The following UBE3D variants were observed in gnomAD, a reference collection of about 807,000 sequenced individuals.
The protein encoded by UBE3D is ubiquitin protein ligase E3D.
In UBE3D, 48 loss-of-function variants were observed where a neutral mutation model predicts 49.6. That is an observed-to-expected ratio of 0.97 (90% confidence interval 0.77 to 1.23). UBE3D has a LOEUF of 1.23. UBE3D is among the 50% of genes most tolerant of loss of function. UBE3D has a pLI of 0.00. For synonymous variants in UBE3D, 189 were observed against 174.2 expected, an observed-to-expected ratio of 1.08 and a Z score of -0.67; for missense variants, 452 against 468.4, an observed-to-expected ratio of 0.96 and a Z score of 0.32.
chr6:82,884,311 G>A, the UBE3D span, among the ~76,000 whole-genome samples: 2 of 152,074 alleles, frequency 1.3e-5, no homozygotes, highest in Non-Finnish European at 2.9e-5. Context: ...AGGTAGTAGA[G>A]GCACCTACAC....
At chr6:82,910,962 G>A (rs575385414) in intron 9 of UBE3D, among the ~76,000 whole-genome samples, 1 of 152,044 alleles carries the variant, frequency 6.6e-6, no homozygotes, top group Middle Eastern at 3.4e-3. Flanking sequence ...TAACTCAAAA[G>A]ATCTAATCCC....
chr6:82,986,095 T>G (rs2127725282), intron 8 of UBE3D, among the ~76,000 whole-genome samples: 1 of 152,300 alleles, frequency 6.6e-6, no homozygotes, highest in South Asian at 2.1e-4. Context: ...ATTGAGTTTG[T>G]GTATTAACTT....
At chr6:82,898,406 T>C (rs1038934673) in intron 9 of UBE3D, among the ~76,000 whole-genome samples, 3 of 152,180 alleles carry the variant, frequency 2.0e-5, no homozygotes, top group Non-Finnish European at 4.4e-5. Context: ...CTGTTCACAA[T>C]AGCAAAGACT....
At chr6:83,005,407 T>C (rs113488219) in intron 8 of UBE3D, among the ~76,000 whole-genome samples, 4 of 152,024 alleles carry the variant, frequency 2.6e-5, no homozygotes, top group African/African-American at 9.7e-5. Context: ...GCAACTGCTA[T>C]AAAAGACGGT....
chr6:82,942,447 C>T (rs1247019649), intron 9 of UBE3D, among the ~76,000 whole-genome samples: 1 of 152,168 alleles, frequency 6.6e-6, no homozygotes, highest in African/African-American at 2.4e-5. Context: ...TGTTAATCAC[C>T]AAGACAATGG....
chr6:82,908,227 T>A (rs943771163), intron 9 of UBE3D, among the ~76,000 whole-genome samples: 1 of 152,094 alleles, frequency 6.6e-6, no homozygotes, highest in Non-Finnish European at 1.5e-5. Context: ...TTATGGGAAA[T>A]GGATATGATC....
At chr6:82,908,475 TCAC>T (rs1404315273) in intron 9 of UBE3D, among the ~76,000 whole-genome samples, 1 of 152,156 alleles carries the variant, frequency 6.6e-6, no homozygotes, top group Non-Finnish European at 1.5e-5. Context: ...TGGCTGGACT[TCAC>T]CACTATACAA....
At chr6:82,953,930 T>G (rs559286369) in intron 9 of UBE3D, among the ~76,000 whole-genome samples, 1 of 152,248 alleles carries the variant, frequency 6.6e-6, no homozygotes, top group Admixed American at 6.5e-5. Flanking sequence ...CAGGTGGCCA[T>G]GCAAAGACCT....
chr6:82,923,309 C>T (rs1773493755), intron 9 of UBE3D, among the ~76,000 whole-genome samples: 2 of 152,174 alleles, frequency 1.3e-5, no homozygotes, highest in Admixed American at 1.3e-4. Context: ...GGAACCAACC[C>T]AACTGTCCAT....
intron 8 of UBE3D, among the ~76,000 whole-genome samples, chr6:83,014,689 C>A (rs1237778065): frequency 6.6e-6 from 1 of 152,204 alleles, no homozygotes; most frequent in East Asian, 1.9e-4. Flanking sequence ...AACAGTTAGC[C>A]TGGTAAAAGG....
At chr6:83,019,403 G>T (rs1780929887) in intron 7 of UBE3D, among the ~76,000 whole-genome samples, 1 of 150,558 alleles carries the variant, frequency 6.6e-6, no homozygotes, top group African/African-American at 2.4e-5. Context: ...CAGAGCTTCA[G>T]TAAGGGGGTA....
At chr6:83,005,416 G>GT (rs1451168105) in intron 8 of UBE3D, among the ~76,000 whole-genome samples, 1 of 151,984 alleles carries the variant, frequency 6.6e-6, no homozygotes, top group African/African-American at 2.4e-5. Context: ...ATAAAAGACG[G>GT]TATGAAGGTT....
chr6:82,979,092 T>C (rs1417153400), intron 8 of UBE3D, among the ~76,000 whole-genome samples: 1 of 152,196 alleles, frequency 6.6e-6, no homozygotes, highest in Non-Finnish European at 1.5e-5. Flanking sequence ...CAATGATTGC[T>C]AGCAGAACAG....
At chr6:83,059,129 C>G (rs1295743119) in intron 1 of UBE3D, among the ~76,000 whole-genome samples, 1 of 152,060 alleles carries the variant, frequency 6.6e-6, no homozygotes, top group Admixed American at 6.6e-5. Context: ...CTCCTCTAAT[C>G]CTAGCACTTT....
At chr6:82,975,588 T>A (rs1777658201) in intron 8 of UBE3D, among the ~76,000 whole-genome samples, 1 of 152,164 alleles carries the variant, frequency 6.6e-6, no homozygotes, top group South Asian at 2.1e-4. Context: ...GCTACTTTTG[T>A]TTTGAAAATA....
intron 9 of UBE3D, among the ~76,000 whole-genome samples, chr6:82,927,960 T>C (rs760251632): frequency 3.3e-5 from 5 of 152,060 alleles, no homozygotes; most frequent in Non-Finnish European, 2.9e-5. Context: ...TATGATACTA[T>C]GTTGGTACAT....
intron 8 of UBE3D, among the ~76,000 whole-genome samples, chr6:83,013,991 C>T (rs971878279): frequency 3.9e-5 from 6 of 152,220 alleles, no homozygotes; most frequent in Non-Finnish European, 7.3e-5. Context: ...CTGGCCTTGC[C>T]AGCTGAAGGC....
chr6:82,906,393 C>T (rs1772101981), intron 9 of UBE3D, among the ~76,000 whole-genome samples: 1 of 152,150 alleles, frequency 6.6e-6, no homozygotes, highest in Admixed American at 6.6e-5. Context: ...ATGCTTTAAT[C>T]CACTGCAGTC....
At chr6:83,012,208 A>C (rs1032013933) in intron 8 of UBE3D, among the ~76,000 whole-genome samples, 5 of 152,208 alleles carry the variant, frequency 3.3e-5, no homozygotes, top group African/African-American at 4.8e-5. Flanking sequence ...GGAGTCTTGC[A>C]GAAGCACTGT....
Sources: gnomAD v4.1 joint callset for allele counts (sites outside exome capture counted in the v4.1 genomes callset) on GRCh38, gnomAD v4.1.1 for gene constraint, MANE v1.5 for transcripts, NCBI Gene and HGNC (gene_info 2026-07-23, HGNC 2026-07-21) for gene names.